ABCA13: variants seen among roughly 807,000 people sequenced by gnomAD.
ABCA13 encodes the protein ATP binding cassette subfamily A member 13.
In ABCA13, 476 loss-of-function variants were observed where a neutral mutation model predicts 478.7. That is an observed-to-expected ratio of 0.99 (90% CI 0.92 to 1.07). ABCA13 has a LOEUF of 1.07. Ranked by LOEUF, ABCA13 falls within the 50% of genes least tolerant of loss-of-function variation. The pLI, the probability that ABCA13 is intolerant of heterozygous loss-of-function variation, is 0.00. For synonymous variants in ABCA13, 2,252 were observed against 2,158.9 expected, an observed-to-expected ratio of 1.04 and a Z score of -1.20; for missense variants, 6,060 against 5,910.6, an observed-to-expected ratio of 1.03 and a Z score of -0.83.
At chr7:48,355,713 A>G (rs377484175) in intron 31 of ABCA13, among the ~76,000 whole-genome samples, 1 of 152,014 alleles carries the variant, frequency 6.6e-6, no homozygotes, top group South Asian at 2.1e-4. Flanking sequence ...TAGAGGCAAC[A>G]GAATTGCCAA....
intron 32 of ABCA13, among the ~76,000 whole-genome samples, chr7:48,371,177 T>A (rs1433622972): frequency 6.6e-6 from 1 of 152,214 alleles, no homozygotes; most frequent in Non-Finnish European, 1.5e-5. Flanking sequence ...TTTTGGTTAC[T>A]GTAGCTTTGT....
intron 55 of ABCA13, among the ~76,000 whole-genome samples, chr7:48,564,518 A>G (rs202114105): frequency 6.6e-6 from 1 of 151,834 alleles, no homozygotes; most frequent in Non-Finnish European, 1.5e-5. Context: ...TGTTTTTAAT[A>G]TCACTTTAGG....
chr7:48,645,573 G>T lies in ABCA13; in HGVS notation c.*61G>T. On this transcript the variant is annotated 3_prime_UTR_variant, in exon 62 of 62. Coordinates refer to ENST00000435803, the MANE Select transcript of ABCA13 (RefSeq NM_152701.5). Reference sequence around the variant, plus strand: ...TCTTCCATTACAATTAACAGTCAAGGATAAAACAAGCACGCGCACAATCAA... The same window carrying T: ...TCTTCCATTACAATTAACAGTCAAGTATAAAACAAGCACGCGCACAATCAA... 1 of 1,374,836 alleles carries T rather than the reference G, an allele frequency of 7.3e-7. No homozygotes were observed. The highest frequency in any genetic ancestry group is 1.3e-5 in the South Asian group (1 of 77,436). 85.2% of individuals were successfully genotyped at this position (1,374,836 alleles called of 1,614,324 possible). A position where few individuals can be genotyped will look rare whatever the true frequency, so the allele number is the denominator to read the frequency against.
intron 57 of ABCA13, among the ~76,000 whole-genome samples, chr7:48,588,516 C>A (rs1445623124): frequency 6.6e-6 from 1 of 152,136 alleles, no homozygotes; most frequent in Admixed American, 6.5e-5. Flanking sequence ...CCTTGGATGC[C>A]CAAACCTGTG....
In ABCA13 at chr7:48,273,000, T is replaced by C. The variant is rs1455275478; in HGVS notation, c.3334T>C (p.Tyr1112His). 12 of 1,613,538 alleles carry C rather than the reference T, an allele frequency of 7.4e-6. No homozygotes were observed. The highest frequency in any genetic ancestry group is 9.3e-6 in the Non-Finnish European group (11 of 1,179,716). The change falls in exon 17 of 62, where the codon TAT becomes CAT. Residue 1112 changes from tyrosine to histidine, a missense_variant. By Grantham distance (83) the Tyr-to-His change is moderately conservative. Transcript: ENST00000435803. Reference sequence around the variant, plus strand: ...CAATAAACACATTTCTTCCGTAAATTATTCAACAAGTGAGGAGTCTTCATT... The same window carrying C: ...CAATAAACACATTTCTTCCGTAAATCATTCAACAAGTGAGGAGTCTTCATT... ...SDNKHISSVNYSTSEESSFVF... is the reference protein window; with the variant it reads ...SDNKHISSVNHSTSEESSFVF...
chr7:48,279,248 A>C lies in ABCA13; in HGVS notation c.8054A>C (p.Asn2685Thr). The C allele has an allele frequency of 6.3e-7, 1 of 1,589,180 alleles. No individual in the cohort carries two copies. The highest frequency in any genetic ancestry group is 8.6e-7 in the Non-Finnish European group (1 of 1,166,152). Residue 2685 changes from asparagine to threonine, a missense_variant, in exon 18 of 62, where the codon AAT (asparagine) becomes ACT (threonine). Physicochemically the swap from Asn to Thr is moderately conservative, Grantham distance 65. This residue lies in a region of ABCA13 where 4,423 missense variants were observed against 4,309.1 expected (regional missense o/e 1.03). Transcript: ENST00000435803. ...EEILGCLVPI[N>T]NITNQMDFLY... ...ATTCTGGGTTGCTTAGTTCCTATAA[A>C]TAACATCACCAACCAAATGGACTTC...
intron 48 of ABCA13, among the ~76,000 whole-genome samples, chr7:48,500,779 G>GC (rs1309214092): frequency 6.6e-6 from 1 of 152,092 alleles, no homozygotes; most frequent in African/African-American, 2.4e-5. Context: ...TTGCACTCCA[G>GC]CCCTGTGCTG....
intron 43 of ABCA13, among the ~76,000 whole-genome samples, chr7:48,463,252 AC>A (rs1826461844): frequency 6.6e-6 from 1 of 152,054 alleles, no homozygotes; most frequent in Non-Finnish European, 1.5e-5. Context: ...TGCTGTTTTG[AC>A]AGATCAGATA....
rs1789355522 is a variant in ABCA13, at chr7:48,232,805, A to G, written c.764-1213A>G. 2.0e-5 allele frequency among the ~76,000 whole-genome samples: 3 copies of G among 152,166 alleles called. No individual in the cohort carries two copies. In the South Asian group the frequency reaches 6.2e-4, roughly 32 times the overall value. Reference sequence around the variant, plus strand: ...CTGTGAGTAATTCTAATACCTTCTGAGACCAGTAGAGATTAATAGTTACAG... The same window carrying G: ...CTGTGAGTAATTCTAATACCTTCTGGGACCAGTAGAGATTAATAGTTACAG... On this transcript the variant is annotated intron_variant, in intron 7 of 61. Coordinates refer to ENST00000435803, the MANE Select transcript of ABCA13 (RefSeq NM_152701.5).
intron 57 of ABCA13, among the ~76,000 whole-genome samples, chr7:48,593,311 G>A (rs1353465210): frequency 6.8e-6 from 1 of 147,576 alleles, no homozygotes; most frequent in Non-Finnish European, 1.5e-5. Flanking sequence ...TGGTTACCAA[G>A]AATCTATATA....
At chr7:48,541,984 A>G (rs1248141781) in intron 55 of ABCA13, among the ~76,000 whole-genome samples, 12 of 151,564 alleles carry the variant, frequency 7.9e-5, no homozygotes, top group Non-Finnish European at 1.8e-4. Context: ...AAACAAAACA[A>G]AACTGTATAA....
At chr7:48,201,551 CT>C (rs1798721460) in intron 3 of ABCA13, among the ~76,000 whole-genome samples, 1 of 152,124 alleles carries the variant, frequency 6.6e-6, no homozygotes, top group Non-Finnish European at 1.5e-5. Context: ...GAAACCCTGT[CT>C]CTACTATAAA....
At chr7:48,289,451 C>A (rs187337644) in intron 20 of ABCA13, among the ~76,000 whole-genome samples, 368 of 151,518 alleles carry the variant, frequency 2.4e-3, no homozygotes, top group Non-Finnish European at 4.2e-3. Flanking sequence ...CTCTGCCTCC[C>A]GGGTTCAAGT....
intron 57 of ABCA13, among the ~76,000 whole-genome samples, chr7:48,594,013 G>A (rs753474489): frequency 1.4e-4 from 21 of 151,748 alleles, no homozygotes; most frequent in Non-Finnish European, 2.5e-4. Context: ...TGATTATTGC[G>A]TATCTCAGTG....
chr7:48,436,316 A>T (rs573684405), intron 42 of ABCA13, among the ~76,000 whole-genome samples: 1 of 151,720 alleles, frequency 6.6e-6, no homozygotes, highest in African/African-American at 2.4e-5. Flanking sequence ...GTTGGTACAC[A>T]TTGTTCATAC....
chr7:48,426,507 G>A (rs1165499633), intron 41 of ABCA13, among the ~76,000 whole-genome samples: 1 of 152,132 alleles, frequency 6.6e-6, no homozygotes, highest in Non-Finnish European at 1.5e-5. Flanking sequence ...GTGAGGCAGG[G>A]TGCTCAGTGT....
Position 48,367,808 on chromosome 7 carries a change from T to C in ABCA13, c.10703T>C (p.Val3568Ala), listed in dbSNP as rs1257977001. 3.2e-6 allele frequency: 5 copies of C among 1,566,124 alleles called. No homozygotes were observed. The highest frequency in any genetic ancestry group is 4.7e-5 in the East Asian group (2 of 42,620). The change falls in exon 32 of 62, where the codon GTT becomes GCT. Residue 3568 changes from valine to alanine, a missense_variant. Physicochemically the swap from Val to Ala is moderately conservative, Grantham distance 64. Transcript: ENST00000435803. ...TCCCCTTACAGATTCCTGAACAACG[T>C]TGGTTTCTTTTTTCCACTGATAATG... ...CHTSDLFLNN[V>A]GFFFPLIMML...
At chr7:48,270,074 A>G (rs1289163837) in intron 16 of ABCA13, among the ~76,000 whole-genome samples, 1 of 152,194 alleles carries the variant, frequency 6.6e-6, no homozygotes, top group Admixed American at 6.5e-5. Context: ...GACCCATAGC[A>G]GTTGGCACAG....
chr7:48,387,044 CTCTT>C (rs1440387525), intron 35 of ABCA13, among the ~76,000 whole-genome samples: 2 of 152,070 alleles, frequency 1.3e-5, no homozygotes, highest in African/African-American at 4.8e-5. Context: ...GCATGAACAT[CTCTT>C]TCTATTTTTT....
Sources: gnomAD v4.1 joint callset for allele counts (sites outside exome capture counted in the v4.1 genomes callset) on GRCh38, gnomAD v4.1.1 for gene constraint, gnomAD v4.1.1 regional missense constraint, MANE v1.5 for transcripts, NCBI Gene and HGNC (gene_info 2026-07-23, HGNC 2026-07-21) for gene names.